Variants in C10orf67 observed in about 807,000 individuals in gnomAD.
C10orf67 encodes chromosome 10 open reading frame 67.
C10orf67 carries 60 observed loss-of-function variants against 35.6 expected under a neutral mutation model. The ratio of observed to expected loss-of-function variants is 1.68; its 90% CI spans 1.37 to 2.09. C10orf67 has a LOEUF of 2.09. Among genes scored for constraint, C10orf67 ranks in the 30% most tolerant of loss-of-function variants. The pLI is 0.00. For missense variants in C10orf67, 474 were observed against 330.2 expected (o/e 1.44, Z -3.38); for synonymous variants, 167 against 115.8 (o/e 1.44, Z -2.84).
Position 23,333,110 on chromosome 10 carries a change from T to C in C10orf67, c.279A>G (p.Glu93=), listed in dbSNP as rs1474518165. The C allele has an allele frequency of 6.2e-7, 1 of 1,611,084 alleles. No individual in the cohort carries two copies. Among genetic ancestry groups the C allele is most frequent in the Non-Finnish European group, 8.5e-7 (1 of 1,177,728 alleles). ...AACTCAATTCTTTTACTGACAGTAT[T>C]TCACTGGAATCAGTTTGAGTGGCAT... ...TDHATQTDSS[E]ILSVKELSSS... is the part of the protein sequence containing the mutation. The change falls in exon 2 of 16, where the codon GAA becomes GAG. Residue 93 remains glutamate (E), a synonymous_variant. Coordinates refer to ENST00000636213, the MANE Select transcript of C10orf67 (RefSeq NM_001371909.1).
intron 7 of C10orf67, among the ~76,000 whole-genome samples, chr10:23,282,325 A>G (rs1843392859): frequency 6.6e-6 from 1 of 152,244 alleles, no homozygotes. Flanking sequence ...ATCAAAATGT[A>G]ACATCACAAT....
chr10:23,314,483 AACACACACACAC>A (rs56043614), intron 4 of C10orf67, among the ~76,000 whole-genome samples: 128 of 135,836 alleles, frequency 9.4e-4, no homozygotes, highest in African/African-American at 3.2e-3. Context: ...ATTAAGTTAA[AACACACACACAC>A]ACACACACAC....
intron 4 of C10orf67, among the ~76,000 whole-genome samples, chr10:23,305,986 C>CTG (rs58587912): frequency 6.6e-6 from 1 of 151,438 alleles, no homozygotes; most frequent in Non-Finnish European, 1.5e-5. Context: ...CACACACACA[C>CTG]TCTCTCTCTC....
intron 1 of C10orf67, chr10:23,344,044 T>A: frequency 3.0e-6 from 1 of 335,784 alleles, no homozygotes; most frequent in Middle Eastern, 7.0e-4. Flanking sequence ...CTCGCTCTCC[T>A]GAGTCGGAGT....
intron 4 of C10orf67, among the ~76,000 whole-genome samples, chr10:23,310,692 C>T (rs1447630539): frequency 6.6e-6 from 1 of 152,196 alleles, no homozygotes; most frequent in East Asian, 1.9e-4. Flanking sequence ...TCCTCACATT[C>T]CTCAGACCCA....
In C10orf67 at chr10:23,264,095, G is replaced by A. The variant is rs1842824091; in HGVS notation, c.1200+2167C>T. On this transcript the variant is annotated intron_variant, in intron 10 of 15. Transcript: ENST00000636213. ...CCCTCCATGTGGTCATTTACACGTGGTAAACGTTATAAAACCCTTTAAAGA... is the reference window on the plus strand; with the variant it reads ...CCCTCCATGTGGTCATTTACACGTGATAAACGTTATAAAACCCTTTAAAGA... Among the ~76,000 whole-genome samples the A allele has an allele frequency of 2.0e-5, 3 of 152,292 alleles. 1 individual carries two copies. The highest frequency in any genetic ancestry group is 4.1e-4 in the South Asian group (2 of 4,820).
intron 2 of C10orf67, among the ~76,000 whole-genome samples, chr10:23,331,146 A>T: frequency 6.8e-6 from 1 of 148,028 alleles, no homozygotes; most frequent in Non-Finnish European, 1.5e-5. Flanking sequence ...CCGAGACGGG[A>T]ACCAGGAAGG....
intron 4 of C10orf67, chr10:23,318,842 G>A: frequency 2.6e-6 from 2 of 763,710 alleles, no homozygotes; most frequent in South Asian, 2.8e-5. Flanking sequence ...CATTACCAAG[G>A]ACCCCTCTGC....
At chr10:23,281,045 G>A (rs543316631) in intron 8 of C10orf67, among the ~76,000 whole-genome samples, 12 of 152,254 alleles carry the variant, frequency 7.9e-5, no homozygotes, top group South Asian at 4.1e-4. Context: ...TTATATGCCA[G>A]GTATTTAAAA....
chr10:23,253,702 T>TG (rs1491272019), intron 10 of C10orf67, among the ~76,000 whole-genome samples: 1 of 152,266 alleles, frequency 6.6e-6, no homozygotes, highest in East Asian at 1.9e-4. Context: ...CAGTAAAAAT[T>TG]AGTTTCAATT....
chr10:23,343,484 T>C (rs1329949335), intron 1 of C10orf67, among the ~76,000 whole-genome samples: 1 of 152,174 alleles, frequency 6.6e-6, no homozygotes, highest in African/African-American at 2.4e-5. Flanking sequence ...CCACCCAGCC[T>C]ATGTTGTTTT....
chr10:23,264,144 C>T (rs1842825966), intron 10 of C10orf67, among the ~76,000 whole-genome samples: 1 of 152,124 alleles, frequency 6.6e-6, no homozygotes, highest in South Asian at 2.1e-4. Flanking sequence ...GTCCAGCTAC[C>T]TCCATGGAGT....
intron 8 of C10orf67, among the ~76,000 whole-genome samples, chr10:23,270,939 T>A (rs1843000977): frequency 6.6e-6 from 1 of 152,180 alleles, no homozygotes; most frequent in Non-Finnish European, 1.5e-5. Flanking sequence ...CTCTGATCTC[T>A]CCCTGGGACA....
At chr10:23,226,347 C>T (rs1841741152) in intron 13 of C10orf67, among the ~76,000 whole-genome samples, 1 of 151,978 alleles carries the variant, frequency 6.6e-6, no homozygotes, top group Non-Finnish European at 1.5e-5. Context: ...CTACTGGGTA[C>T]ATAACAAAAT....
chr10:23,313,863 A>T (rs151265433), intron 4 of C10orf67, among the ~76,000 whole-genome samples: 2,053 of 152,314 alleles, frequency 0.013, 28 homozygotes, highest in Middle Eastern at 0.088. Flanking sequence ...ACAGGGCAGG[A>T]TATGGTCAGA....
intron 10 of C10orf67, among the ~76,000 whole-genome samples, chr10:23,257,076 G>A (rs1274686229): frequency 5.9e-5 from 9 of 152,156 alleles, no homozygotes; most frequent in Non-Finnish European, 1.0e-4. Flanking sequence ...AAAAGAAACA[G>A]GTTGCTCCCC....
At chr10:23,231,135 A>G (rs1477936456) in intron 13 of C10orf67, among the ~76,000 whole-genome samples, 8 of 151,684 alleles carry the variant, frequency 5.3e-5, no homozygotes, top group Non-Finnish European at 1.2e-4. Context: ...TATTTTTTGT[A>G]GAGACAGAGT....
intron 12 of C10orf67, among the ~76,000 whole-genome samples, chr10:23,245,759 T>G (rs1842301345): frequency 2.6e-5 from 4 of 152,232 alleles, no homozygotes; most frequent in Admixed American, 2.6e-4. Context: ...TTGATGGGAA[T>G]GTAAATAGTT....
chr10:23,321,373 T>A (rs1030695603), intron 3 of C10orf67, among the ~76,000 whole-genome samples: 1 of 152,142 alleles, frequency 6.6e-6, no homozygotes, highest in Non-Finnish European at 1.5e-5. Flanking sequence ...CTAAAAAAAA[T>A]TTGTTTTTTA....
Sources: allele counts gnomAD v4.1 joint callset (sites outside exome capture counted in the v4.1 genomes callset), GRCh38; gene constraint gnomAD v4.1.1; transcripts MANE v1.5; gene names NCBI Gene and HGNC (gene_info 2026-07-23, HGNC 2026-07-21).